HELZ: variants seen among roughly 807,000 people sequenced by gnomAD.
The protein encoded by HELZ is ATP-dependent RNA helicase with zinc finger domain.
HELZ carries 23 observed loss-of-function variants against 218.2 expected under a neutral mutation model. That is an observed-to-expected ratio of 0.11 (90% CI 0.08 to 0.15). The LOEUF (loss-of-function observed/expected upper bound fraction) is 0.15. Among genes scored for constraint, HELZ ranks in the 10% least tolerant of loss-of-function variants. The pLI is 1.00. For synonymous variants in HELZ, 814 were observed against 829.4 expected (o/e 0.98, Z 0.32); for missense variants, 1,813 against 2,353.7 (o/e 0.77, Z 4.75).
chr17:67,169,334 G>C (rs182793674), intron 13 of HELZ, among the ~76,000 whole-genome samples: 55 of 152,280 alleles, frequency 3.6e-4, no homozygotes, highest in Admixed American at 1.8e-3. Flanking sequence ...CTGGAGAATA[G>C]AAAGTCTAAG....
At chr17:67,201,427 CTTACA>C (rs1382469363) in intron 6 of HELZ, among the ~76,000 whole-genome samples, 3 of 152,116 alleles carry the variant, frequency 2.0e-5, no homozygotes, top group Admixed American at 2.0e-4. Context: ...CTGTATTCAC[CTTACA>C]TTAATTAAAA....
chr17:67,070,677 G>C lies in HELZ; in HGVS notation c.*7575C>G, dbSNP rs1345224903. 1 of 152,100 alleles carries C rather than the reference G, an allele frequency of 6.6e-6. No individual in the cohort carries two copies. The highest frequency in any genetic ancestry group is 1.5e-5 in the Non-Finnish European group (1 of 68,026). 9.4% of individuals were successfully genotyped at this position (152,100 alleles called of 1,614,324 possible). On this transcript the variant is annotated 3_prime_UTR_variant, in exon 33 of 33. Coordinates refer to ENST00000358691, the MANE Select transcript of HELZ (RefSeq NM_014877.4). The stretch of plus-strand genomic sequence containing the variant: ...GAAGAAAATAAAAACCCTAGAGAGT[G>C]GCTTTGGGGTTATTTTATGGTACAA...
intron 31 of HELZ, among the ~76,000 whole-genome samples, chr17:67,088,582 G>A (rs527601832): frequency 6.6e-6 from 1 of 152,202 alleles, no homozygotes. Flanking sequence ...AAGCCGTGAC[G>A]AGAGCAATTC....
chr17:67,085,641 AAC>A, intron 32 of HELZ, among the ~76,000 whole-genome samples: 1 of 152,314 alleles, frequency 6.6e-6, no homozygotes, highest in Middle Eastern at 3.4e-3. Context: ...TTACAGAAAC[AAC>A]AGATTCACAT....
At position 67,211,039 on chromosome 17, in the gene HELZ, T is replaced by A. The variant is rs116133231; in HGVS notation, c.247+4860A>T. ...TTCAGACAATGAAAAGTGACTTAAC[T>A]ACCTCACTTATCCATTGGTCGCTGG... On this transcript the variant is annotated intron_variant, in intron 5 of 32. Coordinates refer to ENST00000358691, the MANE Select transcript of HELZ (RefSeq NM_014877.4). Among the ~76,000 whole-genome samples the A allele has an allele frequency of 2.4e-3, 371 of 152,358 alleles. 1 individual carries two copies. The highest frequency in any genetic ancestry group is 8.6e-3 in the African/African-American group (357 of 41,586).
chr17:67,099,961 T>C (rs1294492787), intron 31 of HELZ, among the ~76,000 whole-genome samples: 1 of 152,224 alleles, frequency 6.6e-6, no homozygotes, highest in African/African-American at 2.4e-5. Context: ...TGATCACTGT[T>C]ACATGCATTA....
intron 5 of HELZ, among the ~76,000 whole-genome samples, chr17:67,209,940 G>C (rs1203509131): frequency 1.3e-5 from 2 of 152,094 alleles, no homozygotes; most frequent in Non-Finnish European, 2.9e-5. Context: ...TGAGGGCCAG[G>C]TGCAGTAGCT....
chr17:67,144,943 GA>G (rs1280420227), intron 21 of HELZ, among the ~76,000 whole-genome samples: 1 of 152,174 alleles, frequency 6.6e-6, no homozygotes, highest in East Asian at 1.9e-4. Flanking sequence ...GAGTACTGAT[GA>G]TTTTTTTGTA....
At chr17:67,164,843 AT>A (rs1025272687) in intron 15 of HELZ, among the ~76,000 whole-genome samples, 4 of 152,226 alleles carry the variant, frequency 2.6e-5, no homozygotes, top group Non-Finnish European at 5.9e-5. Flanking sequence ...CTTTATCTAC[AT>A]ATCAAGGAGA....
intron 27 of HELZ, among the ~76,000 whole-genome samples, chr17:67,119,129 T>C (rs537079794): frequency 1.3e-5 from 2 of 152,282 alleles, no homozygotes; most frequent in Admixed American, 1.3e-4. Flanking sequence ...TAAATATATA[T>C]TTATAATATG....
intron 3 of HELZ, among the ~76,000 whole-genome samples, chr17:67,237,160 C>T (rs1388899013): frequency 1.3e-5 from 2 of 151,804 alleles, no homozygotes; most frequent in Non-Finnish European, 2.9e-5. Flanking sequence ...ACCAACATGG[C>T]AAAGTCCCAA....
At position 67,174,107 on chromosome 17, in the gene HELZ, G is replaced by A. The variant is rs375226288; in HGVS notation, c.1430+4552C>T. The stretch of plus-strand genomic sequence containing the variant: ...GAAAAGCATTTTCTAAAACTTATAT[G>A]AAATATAGTATTATCTTTATCACGT... On this transcript the variant is annotated intron_variant, in intron 13 of 32. Transcript: ENST00000358691. 4.2e-4 allele frequency among the ~76,000 whole-genome samples: 63 copies of A among 149,622 alleles called. 1 individual carries two copies. The South Asian group carries it at 0.013, about 31-fold the overall frequency.
rs1261761172 is a variant in HELZ at position 67,071,617 on chromosome 17, G to C, written c.*6635C>G. 2.0e-5 allele frequency: 3 copies of C among 151,878 alleles called. No individual in the cohort carries two copies. Among genetic ancestry groups the C allele is most frequent in the African/African-American group, 7.3e-5 (3 of 41,328 alleles). 9.4% of individuals were successfully genotyped at this position (151,878 alleles called of 1,614,324 possible). On this transcript the variant is annotated 3_prime_UTR_variant, in exon 33 of 33. Coordinates refer to ENST00000358691, the MANE Select transcript of HELZ (RefSeq NM_014877.4). ...TTTCTAGTAGCTCAGTAAATTCAAA[G>C]GCAAACTAAAAACCAGAAGCAGAGC... is the stretch of plus-strand genomic sequence containing the variant.
At chr17:67,193,520 A>C (rs1457564978) in intron 9 of HELZ, among the ~76,000 whole-genome samples, 1 of 152,112 alleles carries the variant, frequency 6.6e-6, no homozygotes, top group African/African-American at 2.4e-5. Flanking sequence ...GTTCAAGACC[A>C]GCCTGGCCAA....
chr17:67,193,344 CA>C (rs34516607), intron 9 of HELZ, among the ~76,000 whole-genome samples: 54,677 of 91,862 alleles, frequency 0.6, 12,511 homozygotes, highest in Middle Eastern at 0.65. Flanking sequence ...GACTCTGTCT[CA>C]AAAAAAAAAA....
At chr17:67,245,238 C>G (rs1258165915), upstream of HELZ, 1 of 984,460 alleles carries the variant, frequency 1.0e-6, no homozygotes, top group Non-Finnish European at 1.2e-6. Flanking sequence ...GTGACTCCCC[C>G]CGGCCCCCGA....
chr17:67,151,628 T>C (rs1049922342), intron 17 of HELZ, among the ~76,000 whole-genome samples: 11 of 152,196 alleles, frequency 7.2e-5, no homozygotes, highest in Non-Finnish European at 1.6e-4. Context: ...TAACTATTTA[T>C]GCTAACAAAA....
At chr17:67,195,514 T>G in intron 7 of HELZ, 44 bp from the exon 8 acceptor site, 1 of 1,119,002 alleles carries the variant, frequency 8.9e-7, no homozygotes, top group South Asian at 1.3e-5. Flanking sequence ...AAGAATAACG[T>G]TGATGCTGAA....
intron 9 of HELZ, 133 bp downstream of exon 9, chr17:67,193,834 T>A: frequency 1.5e-6 from 1 of 651,954 alleles, no homozygotes; most frequent in South Asian, 1.9e-5. Flanking sequence ...TGACTTTTAT[T>A]ACTTAATGAT....
Sources: allele counts gnomAD v4.1 joint callset (sites outside exome capture counted in the v4.1 genomes callset), GRCh38; gene constraint gnomAD v4.1.1; transcripts MANE v1.5; gene names NCBI Gene and HGNC (gene_info 2026-07-23, HGNC 2026-07-21).